PDE9A: variants seen among roughly 807,000 people sequenced by gnomAD.
The protein encoded by PDE9A is phosphodiesterase 9A, also known as high affinity cGMP-specific 3',5'-cyclic phosphodiesterase 9A.
In PDE9A, 60 loss-of-function variants were observed where a neutral mutation model predicts 87.4. The ratio of observed to expected loss-of-function variants is 0.69; its 90% confidence interval spans 0.56 to 0.85. The LOEUF (loss-of-function observed/expected upper bound fraction) is 0.85. Ranked by LOEUF, PDE9A falls within the 40% of genes least tolerant of loss-of-function variation. PDE9A has a pLI of 0.00. For missense variants in PDE9A, 665 were observed against 779.0 expected (o/e 0.85, Z 1.74); for synonymous variants, 272 against 279.4 (o/e 0.97, Z 0.27).
intron 1 of PDE9A, among the ~76,000 whole-genome samples, chr21:42,664,712 C>T (rs1304457336): frequency 6.6e-6 from 1 of 152,156 alleles, no homozygotes; most frequent in African/African-American, 2.4e-5. Context: ...ATGGAAGCCC[C>T]CAAGGCTTCT....
Position 42,685,465 on chromosome 21 carries a change from G to T in PDE9A, c.70-727G>T, listed in dbSNP as rs1343401027. Among the ~76,000 whole-genome samples the T allele has an allele frequency of 6.8e-3, 593 of 87,792 alleles. 8 individuals are homozygous for T. The highest frequency in any genetic ancestry group is 0.042 in the African/African-American group (552 of 13,154). The allele number at this position is 87,792 out of a possible 152,430, so 57.6% of individuals were successfully genotyped here. On this transcript the variant is annotated intron_variant, in intron 1 of 19. Transcript: ENST00000291539. ...CTCAGTCCCCAAATACCGAAAGGCA[G>T]TCTTTTTTTTTTTTTTTTGAGACGG... is the stretch of plus-strand genomic sequence containing the variant.
chr21:42,762,190 G>A lies in PDE9A; in HGVS notation c.1193G>A (p.Cys398Tyr). The A allele has an allele frequency of 6.2e-7, 1 of 1,614,190 alleles. No homozygotes were observed. The highest frequency in any genetic ancestry group is 1.1e-5 in the South Asian group (1 of 91,090). The change falls in exon 14 of 20, where the codon TGC becomes TAC. Residue 398 changes from cysteine to tyrosine, a missense_variant. Coordinates refer to ENST00000291539, the MANE Select transcript of PDE9A (RefSeq NM_002606.3). ...VAFQILAEPE[C>Y]NIFSNIPPDG... Reference sequence around the variant, plus strand: ...TTCCAGATCCTCGCCGAGCCTGAGTGCAACATCTTCTCCAACATCCCACCT... The same window carrying A: ...TTCCAGATCCTCGCCGAGCCTGAGTACAACATCTTCTCCAACATCCCACCT...
intron 1 of PDE9A, among the ~76,000 whole-genome samples, chr21:42,667,652 G>T (rs1263010586): frequency 6.6e-6 from 1 of 152,120 alleles, no homozygotes; most frequent in Non-Finnish European, 1.5e-5. Flanking sequence ...TGCAAGTTCG[G>T]ATCACAACAG....
At position 42,742,113 on chromosome 21, in the gene PDE9A, C is replaced by T. The variant is rs374758108; in HGVS notation, c.569-1663C>T. Among the ~76,000 whole-genome samples the T allele has an allele frequency of 1.1e-4, 16 of 152,222 alleles. No homozygotes were observed. In the South Asian group the frequency reaches 1.5e-3, roughly 14 times the overall value. ...GGTAAATATCTTGAAGTTTAACGCT[C>T]GCTCGGAGGCATAAGCTCCAGTTTG... On this transcript the variant is annotated intron_variant, in intron 7 of 19. Coordinates refer to ENST00000291539, the MANE Select transcript of PDE9A (RefSeq NM_002606.3).
chr21:42,729,414 A>G (rs2051488046), intron 4 of PDE9A, among the ~76,000 whole-genome samples: 1 of 152,068 alleles, frequency 6.6e-6, no homozygotes, highest in African/African-American at 2.4e-5. Context: ...TAGAAGTTTG[A>G]CAATTTCTTA....
chr21:42,676,281 A>G (rs1016769183), intron 1 of PDE9A, among the ~76,000 whole-genome samples: 2 of 152,208 alleles, frequency 1.3e-5, no homozygotes, highest in Non-Finnish European at 2.9e-5. Context: ...TCACTTGAGC[A>G]TGTGCACTTA....
intron 10 of PDE9A, chr21:42,757,066 C>T (rs1296584367): frequency 6.6e-6 from 1 of 152,358 alleles, no homozygotes; most frequent in Admixed American, 6.5e-5. Flanking sequence ...TGGTGGGGGT[C>T]CAGCAGCTCT....
chr21:42,725,535 G>A (rs1319760800), intron 4 of PDE9A, among the ~76,000 whole-genome samples: 2 of 152,074 alleles, frequency 1.3e-5, no homozygotes, highest in Non-Finnish European at 2.9e-5. Context: ...CACCATGCCC[G>A]GCCTCTGGTC....
chr21:42,738,745 G>C (rs2052758324), intron 7 of PDE9A, among the ~76,000 whole-genome samples: 1 of 152,172 alleles, frequency 6.6e-6, no homozygotes, highest in African/African-American at 2.4e-5. Context: ...GAGTGCAGTG[G>C]TGTGATCTTG....
intron 1 of PDE9A, among the ~76,000 whole-genome samples, chr21:42,676,657 G>A (rs1601980579): frequency 6.6e-6 from 1 of 152,144 alleles, no homozygotes; most frequent in Non-Finnish European, 1.5e-5. Context: ...TTTAGCACTC[G>A]CCCATTGGAG....
chr21:42,762,335 G>A, intron 14 of PDE9A, 96 bp downstream of exon 14: 1 of 1,330,976 alleles, frequency 7.5e-7, no homozygotes, highest in Non-Finnish European at 1.0e-6. Context: ...AGAAGCTCCT[G>A]GCCACAGCAG....
At chr21:42,721,858 G>A (rs908768452) in intron 4 of PDE9A, among the ~76,000 whole-genome samples, 53 of 152,120 alleles carry the variant, frequency 3.5e-4, no homozygotes, top group African/African-American at 1.1e-3. Flanking sequence ...ACAATCTTCC[G>A]GACGTCTAGA....
At chr21:42,729,332 T>G (rs1417131170) in intron 4 of PDE9A, among the ~76,000 whole-genome samples, 1 of 152,210 alleles carries the variant, frequency 6.6e-6, no homozygotes, top group Admixed American at 6.5e-5. Context: ...GGGTCTGTAG[T>G]GATGTTCCCT....
Position 42,705,551 on chromosome 21 carries a change from T to C in PDE9A, c.262+6540T>C, listed in dbSNP as rs2048754623. ...CAGCGTGGCAGATCGCGTGGGTCCA[T>C]GGGTCCGTGTGATCTCATGACCGTA... On this transcript the variant is annotated intron_variant, in intron 4 of 19. Transcript: ENST00000291539. The surrounding 1 kb of genome is among the most constrained non-coding windows in gnomAD (Gnocchi z 4.3). 6.6e-6 allele frequency among the ~76,000 whole-genome samples: 1 copy of C among 152,114 alleles called. No individual in the cohort carries two copies. Among genetic ancestry groups the C allele is most frequent in the African/African-American group, 2.4e-5 (1 of 41,418 alleles).
intron 7 of PDE9A, among the ~76,000 whole-genome samples, chr21:42,736,132 G>T (rs887727256): frequency 6.6e-6 from 1 of 151,742 alleles, no homozygotes; most frequent in Non-Finnish European, 1.5e-5. Flanking sequence ...CATCTCCTAC[G>T]CCCCACCTGG....
At chr21:42,734,992 T>G (rs1242589751) in intron 7 of PDE9A, among the ~76,000 whole-genome samples, 1 of 152,152 alleles carries the variant, frequency 6.6e-6, no homozygotes, top group Non-Finnish European at 1.5e-5. Context: ...ATAACGCAGG[T>G]TAGAAAGCTA....
chr21:42,726,016 G>A (rs8128066), intron 4 of PDE9A, among the ~76,000 whole-genome samples: 4 of 152,132 alleles, frequency 2.6e-5, no homozygotes, highest in African/African-American at 9.7e-5. Context: ...CATTTTGATA[G>A]GTGTGCAGTG....
At chr21:42,733,264 C>A in intron 6 of PDE9A, 92 bp from the exon 7 acceptor site, 2 of 757,942 alleles carry the variant, frequency 2.6e-6, no homozygotes, top group South Asian at 1.5e-5. Context: ...CCCATGCCCA[C>A]AGCAGGGACT....
At chr21:42,666,492 C>G (rs939253317) in intron 1 of PDE9A, among the ~76,000 whole-genome samples, 2 of 152,174 alleles carry the variant, frequency 1.3e-5, no homozygotes, top group Non-Finnish European at 2.9e-5. Context: ...TTTGTGAGGG[C>G]TGCACTCCCC....
Sources: allele counts gnomAD v4.1 joint callset (sites outside exome capture counted in the v4.1 genomes callset), GRCh38; gene constraint gnomAD v4.1.1; non-coding constraint Gnocchi (gnomAD v3.1); transcripts MANE v1.5; gene names NCBI Gene and HGNC (gene_info 2026-07-23, HGNC 2026-07-21).